Variants in PTK2 observed in about 807,000 individuals in gnomAD.
The protein encoded by PTK2 is focal adhesion kinase 1.
A neutral mutation model predicts 150.1 loss-of-function variants in PTK2; 45 were observed. That is an observed-to-expected ratio of 0.30 (90% CI 0.24 to 0.38). The LOEUF (loss-of-function observed/expected upper bound fraction) is 0.38, where lower values mean the gene tolerates loss of function less well. PTK2 is among the 10% of genes least tolerant of loss of function. PTK2 has a pLI of 1.00. For missense variants in PTK2, 919 were observed against 1,307.3 expected, an observed-to-expected ratio of 0.70 and a Z score of 4.58; for synonymous variants, 432 against 449.2, an observed-to-expected ratio of 0.96 and a Z score of 0.48.
chr8:140,935,407 G>A (rs1414968357), intron 1 of PTK2, among the ~76,000 whole-genome samples: 1 of 152,172 alleles, frequency 6.6e-6, no homozygotes, highest in African/African-American at 2.4e-5. Flanking sequence ...CAGATTCTTA[G>A]AGAGCATAAA....
chr8:140,948,597 A>G (rs2100178477), intron 1 of PTK2: 1 of 152,206 alleles, frequency 6.6e-6, no homozygotes, highest in Non-Finnish European at 1.5e-5. Flanking sequence ...CTAAACCTTT[A>G]TATCCCAAAT....
At chr8:140,836,397 G>A (rs991429800) in intron 7 of PTK2, among the ~76,000 whole-genome samples, 12 of 152,168 alleles carry the variant, frequency 7.9e-5, no homozygotes, top group African/African-American at 2.4e-4. Context: ...GGTGATGAGT[G>A]ATGTTCAGCA....
At chr8:140,843,755 G>C (rs1008601296) in intron 7 of PTK2, among the ~76,000 whole-genome samples, 3 of 151,666 alleles carry the variant, frequency 2.0e-5, no homozygotes, top group African/African-American at 7.2e-5. Context: ...GTTACAAAGA[G>C]AGTATCCTGT....
intron 1 of PTK2, among the ~76,000 whole-genome samples, chr8:140,981,517 C>T (rs577543160): frequency 3.3e-5 from 5 of 152,316 alleles, no homozygotes; most frequent in African/African-American, 9.6e-5. Context: ...GCTTTGTTAT[C>T]ACCCTCTACA....
At chr8:140,865,715 G>T (rs139822856) in intron 4 of PTK2, among the ~76,000 whole-genome samples, 1 of 152,314 alleles carries the variant, frequency 6.6e-6, no homozygotes, top group Admixed American at 6.5e-5. Context: ...GGGTTATTAT[G>T]TAAGTATAAC....
At chr8:140,868,808 A>G (rs1329161364) in intron 4 of PTK2, among the ~76,000 whole-genome samples, 3 of 152,204 alleles carry the variant, frequency 2.0e-5, no homozygotes, top group Non-Finnish European at 2.9e-5. Context: ...CTCAGATTAG[A>G]GAAGACTTAA....
At chr8:140,741,370 G>A (rs2100055552) in intron 20 of PTK2, among the ~76,000 whole-genome samples, 1 of 151,334 alleles carries the variant, frequency 6.6e-6, no homozygotes, top group South Asian at 2.1e-4. Context: ...CAGGAGAATG[G>A]CGTGAACTTG....
At chr8:140,767,249 T>C (rs2100072786) in intron 14 of PTK2, among the ~76,000 whole-genome samples, 1 of 136,344 alleles carries the variant, frequency 7.3e-6, no homozygotes, top group Non-Finnish European at 1.6e-5. Context: ...AGAAAACCTG[T>C]AAATTTCTTT....
chr8:140,768,559 A>T (rs549650362), intron 14 of PTK2, among the ~76,000 whole-genome samples: 1 of 152,018 alleles, frequency 6.6e-6, no homozygotes, highest in Non-Finnish European at 1.5e-5. Context: ...GGAGCCTAAG[A>T]CCTGACCACT....
intron 26 of PTK2, among the ~76,000 whole-genome samples, chr8:140,694,924 G>C (rs983075610): frequency 6.6e-6 from 1 of 152,224 alleles, no homozygotes; most frequent in African/African-American, 2.4e-5. Flanking sequence ...AACTGACAGA[G>C]GGTCAGGGTG....
chr8:140,704,233 AG>A (rs1189370639), intron 24 of PTK2, among the ~76,000 whole-genome samples: 24 of 152,362 alleles, frequency 1.6e-4, no homozygotes, highest in African/African-American at 5.8e-4. Context: ...GGATCACTTT[AG>A]GCTAAAAATG....
chr8:140,931,057 C>T (rs1434291497), intron 1 of PTK2, among the ~76,000 whole-genome samples: 14 of 134,348 alleles, frequency 1.0e-4, no homozygotes, highest in African/African-American at 3.7e-4. Context: ...CGCGGCAGAG[C>T]GAGACTCTGT....
At chr8:140,761,865 A>C (rs2154548515) in intron 15 of PTK2, among the ~76,000 whole-genome samples, 1 of 152,270 alleles carries the variant, frequency 6.6e-6, no homozygotes, top group East Asian at 1.9e-4. Flanking sequence ...GGTTGGATGT[A>C]TCAACATTAT....
chr8:140,925,219 T>C (rs1435111573), intron 2 of PTK2, among the ~76,000 whole-genome samples: 1 of 151,634 alleles, frequency 6.6e-6, no homozygotes, highest in Non-Finnish European at 1.5e-5. Context: ...AGGAGGAATG[T>C]AAAAAAAAAT....
chr8:140,806,979 T>C (rs757491580), intron 10 of PTK2, among the ~76,000 whole-genome samples: 1 of 152,212 alleles, frequency 6.6e-6, no homozygotes, highest in African/African-American at 2.4e-5. Flanking sequence ...TATTGCTTAT[T>C]TTCTTCTTTA....
At chr8:140,884,734 T>C (rs1209047786) in intron 3 of PTK2, among the ~76,000 whole-genome samples, 2 of 152,212 alleles carry the variant, frequency 1.3e-5, no homozygotes, top group Non-Finnish European at 2.9e-5. Flanking sequence ...CAAATCACTG[T>C]ACATTTTCCC....
intron 13 of PTK2, 46 bp from the exon 14 acceptor site, chr8:140,789,572 G>A: frequency 6.3e-7 from 1 of 1,588,160 alleles, no homozygotes; most frequent in Non-Finnish European, 8.6e-7. Context: ...ATTTCCCCAG[G>A]ACCCCGCAAC....
chr8:140,669,976 TC>T, intron 29 of PTK2: 1 of 514,658 alleles, frequency 1.9e-6, no homozygotes, highest in African/African-American at 1.9e-5. Flanking sequence ...TGCACCATGC[TC>T]AGTTACAAAA....
At chr8:140,659,780 C>T (rs2076796770) in intron 31 of PTK2, 102 bp from the exon 36 acceptor site, 1 of 1,059,268 alleles carries the variant, frequency 9.4e-7, no homozygotes, top group Admixed American at 2.5e-5. Flanking sequence ...GCCTCAAACT[C>T]CTGGGCTCAA....
Sources: allele counts gnomAD v4.1 joint callset (sites outside exome capture counted in the v4.1 genomes callset), GRCh38; gene constraint gnomAD v4.1.1; transcripts MANE v1.5; gene names NCBI Gene and HGNC (gene_info 2026-07-23, HGNC 2026-07-21).